The following MIPOL1 variants were observed in gnomAD, a reference collection of about 807,000 sequenced individuals.
MIPOL1 encodes the protein mirror-image polydactyly gene 1 protein.
In MIPOL1, 57 loss-of-function variants were observed where a neutral mutation model predicts 60.9. That is an observed-to-expected ratio of 0.94 (90% CI 0.76 to 1.17). The LOEUF is 1.17. Among genes scored for constraint, MIPOL1 ranks in the 50% most tolerant of loss-of-function variants. MIPOL1 has a pLI of 0.00. For missense variants in MIPOL1, 551 were observed against 511.6 expected, an observed-to-expected ratio of 1.08 and a Z score of -0.74; for synonymous variants, 179 against 168.8, an observed-to-expected ratio of 1.06 and a Z score of -0.47.
At chr14:37,293,934 G>A (rs2085347843) in intron 7 of MIPOL1, among the ~76,000 whole-genome samples, 1 of 152,190 alleles carries the variant, frequency 6.6e-6, no homozygotes, top group African/African-American at 2.4e-5. Flanking sequence ...ACTTTGAAGA[G>A]TCTGTCTGAT....
Position 37,247,917 on chromosome 14 carries a change from T to TAA in MIPOL1, c.19+10_19+11insAA. ...GAGAACTGGTCAAAAGGTAAGGACT[T>TAA]TTAAGGTATTAATACCAAGCCCCAG... On this transcript the variant is annotated intron_variant, in intron 3 of 12. Transcript: ENST00000684589. 1 of 1,612,872 alleles carries TAA rather than the reference T, an allele frequency of 6.2e-7. No individual in the cohort carries two copies.
At chr14:37,525,510 G>T (rs2095441266) in intron 12 of MIPOL1, among the ~76,000 whole-genome samples, 1 of 152,086 alleles carries the variant, frequency 6.6e-6, no homozygotes, top group Non-Finnish European at 1.5e-5. Context: ...TATGGCATAT[G>T]AACAATATTG....
chr14:37,345,139 C>G (rs1030313401), intron 9 of MIPOL1, among the ~76,000 whole-genome samples: 7 of 151,822 alleles, frequency 4.6e-5, no homozygotes, highest in African/African-American at 1.7e-4. Context: ...GCTTTGTCAC[C>G]AAGGCTGGAG....
At chr14:37,379,951 G>A (rs914248980) in intron 10 of MIPOL1, among the ~76,000 whole-genome samples, 2 of 151,980 alleles carry the variant, frequency 1.3e-5, no homozygotes, top group African/African-American at 2.4e-5. Flanking sequence ...ATGCATGGCC[G>A]TGTAACCCAA....
intron 9 of MIPOL1, among the ~76,000 whole-genome samples, chr14:37,350,104 C>T (rs1488880745): frequency 6.6e-6 from 1 of 152,164 alleles, no homozygotes; most frequent in Non-Finnish European, 1.5e-5. Flanking sequence ...CAGGGTCTCA[C>T]TCTGTCGACT....
rs572996814 is a variant in MIPOL1 at position 37,264,936 on chromosome 14, C to A, written c.20-2002C>A. ...ATGCCTTCAAAGGTGGTACTTTCAG[C>A]ACTTTGACTTTTTGATTTTCTCCAC... On this transcript the variant is annotated intron_variant, in intron 3 of 12. Transcript: ENST00000684589. Among the ~76,000 whole-genome samples the A allele has an allele frequency of 3.9e-5, 6 of 152,230 alleles. No individual in the cohort carries two copies. In the South Asian group the frequency reaches 1.2e-3, roughly 32 times the overall value.
intron 10 of MIPOL1, among the ~76,000 whole-genome samples, chr14:37,382,270 TA>T (rs1367787416): frequency 1.3e-5 from 2 of 152,100 alleles, no homozygotes; most frequent in African/African-American, 4.8e-5. Flanking sequence ...AAGCATAGCA[TA>T]AAGTCCAGAT....
At chr14:37,451,955 C>T (rs1333950229) in intron 11 of MIPOL1, among the ~76,000 whole-genome samples, 2 of 150,648 alleles carry the variant, frequency 1.3e-5, no homozygotes. Flanking sequence ...GCTGGGACTA[C>T]AGGCGCCCGC....
intron 11 of MIPOL1, among the ~76,000 whole-genome samples, chr14:37,488,025 A>G (rs1029140983): frequency 3.9e-5 from 6 of 152,202 alleles, no homozygotes; most frequent in Non-Finnish European, 7.3e-5. Context: ...AGTTTCTGGT[A>G]CATTGTATCT....
intron 9 of MIPOL1, among the ~76,000 whole-genome samples, chr14:37,350,299 C>G (rs1033887466): frequency 6.6e-6 from 1 of 152,084 alleles, no homozygotes. Flanking sequence ...GTTGGTCTTG[C>G]ACTCCTGGCC....
intron 9 of MIPOL1, among the ~76,000 whole-genome samples, chr14:37,350,388 TTCTTTTCTTTTC>T: frequency 6.6e-6 from 1 of 152,090 alleles, no homozygotes; most frequent in East Asian, 1.9e-4. Flanking sequence ...ATTCTGCTTT[TTCTTTTCTTTTC>T]TTTTTCTTTC....
At chr14:37,304,721 G>A (rs2086638228) in intron 7 of MIPOL1, among the ~76,000 whole-genome samples, 1 of 151,812 alleles carries the variant, frequency 6.6e-6, no homozygotes, top group Admixed American at 6.6e-5. Context: ...ATCAAGAAAT[G>A]CGACATTTCA....
chr14:37,372,754 CAAAA>C (rs34884132), intron 10 of MIPOL1, among the ~76,000 whole-genome samples: 1 of 131,992 alleles, frequency 7.6e-6, no homozygotes, highest in South Asian at 2.5e-4. Flanking sequence ...GACTCCGTCT[CAAAA>C]AAAAAAAAAA....
intron 11 of MIPOL1, among the ~76,000 whole-genome samples, chr14:37,495,701 G>A (rs1268064793): frequency 3.7e-5 from 5 of 133,638 alleles, no homozygotes; most frequent in Non-Finnish European, 4.7e-5. Flanking sequence ...CTGAGGAATC[G>A]CCACACTGTC....
intron 11 of MIPOL1, among the ~76,000 whole-genome samples, chr14:37,430,536 A>C (rs886151629): frequency 7.3e-5 from 11 of 150,552 alleles, no homozygotes; most frequent in Non-Finnish European, 1.5e-4. Flanking sequence ...CATTTTCTGT[A>C]TGTCCAGTGA....
chr14:37,454,500 A>T (rs1349460843), intron 11 of MIPOL1, among the ~76,000 whole-genome samples: 1 of 152,222 alleles, frequency 6.6e-6, no homozygotes, highest in Admixed American at 6.5e-5. Flanking sequence ...ACAATTGAGA[A>T]ATCTAAAATT....
intron 7 of MIPOL1, among the ~76,000 whole-genome samples, chr14:37,294,972 C>A (rs1217933774): frequency 6.6e-6 from 1 of 152,088 alleles, no homozygotes; most frequent in Non-Finnish European, 1.5e-5. Context: ...AGATACTCCT[C>A]AAGAAGAGCA....
At chr14:37,213,849 G>A (rs1459900997) in intron 1 of MIPOL1, among the ~76,000 whole-genome samples, 2 of 152,122 alleles carry the variant, frequency 1.3e-5, no homozygotes, top group Admixed American at 1.3e-4. Context: ...AACATACAAT[G>A]GTGCTTCGTT....
At position 37,326,835 on chromosome 14, in the gene MIPOL1, G is replaced by C. The variant is rs554990742; in HGVS notation, c.828+18316G>C. Among the ~76,000 whole-genome samples, 3 of 152,286 alleles carry C rather than the reference G, an allele frequency of 2.0e-5. No homozygotes were observed. The East Asian group carries it at 5.8e-4, about 29-fold the overall frequency. ...CCTCCTCTGCTATGGTCACCTTTTG[G>C]TGAGCACTCACGTGAAACACAAATA... On this transcript the variant is annotated intron_variant, in intron 9 of 12. Transcript: ENST00000684589.
Sources: allele counts gnomAD v4.1 joint callset (sites outside exome capture counted in the v4.1 genomes callset), GRCh38; gene constraint gnomAD v4.1.1; transcripts MANE v1.5; gene names NCBI Gene and HGNC (gene_info 2026-07-23, HGNC 2026-07-21).